The following TUSC3 variants were observed in gnomAD, a reference collection of about 807,000 sequenced individuals.
TUSC3 encodes the protein dolichyl-diphosphooligosaccharide--protein glycosyltransferase subunit TUSC3.
TUSC3 carries 45 observed loss-of-function variants against 44.8 expected under a neutral mutation model. That is an observed-to-expected ratio of 1.00 (90% confidence interval 0.79 to 1.29). The LOEUF (loss-of-function observed/expected upper bound fraction) is 1.29. TUSC3 is among the 50% of genes most tolerant of loss of function. The pLI, the probability that TUSC3 is intolerant of heterozygous loss-of-function variation, is 0.00. For missense variants in TUSC3, 519 were observed against 437.9 expected, an observed-to-expected ratio of 1.19 and a Z score of -1.65; for synonymous variants, 212 against 152.9, an observed-to-expected ratio of 1.39 and a Z score of -2.85.
In TUSC3 at chr8:15,439,066, C is replaced by T. The variant is rs189034613; in HGVS notation, n.91+21761C>T. Among the ~76,000 whole-genome samples the T allele has an allele frequency of 9.0e-4, 137 of 152,284 alleles. 1 individual carries two copies. The highest frequency in any genetic ancestry group is 4.1e-4 in the South Asian group (2 of 4,828). On this transcript the variant is annotated intron_variant and non_coding_transcript_variant, in intron 1 of 5. Transcript: ENST00000503191. ...AGAGAGAGAGGGCTATTTGACGGCACTGTGACCTTAGTCTGGGAATGCAAC... is the reference window on the plus strand; with the variant it reads ...AGAGAGAGAGGGCTATTTGACGGCATTGTGACCTTAGTCTGGGAATGCAAC...
chr8:15,703,980 T>C (rs1466026278), intron 6 of TUSC3, among the ~76,000 whole-genome samples: 1 of 152,104 alleles, frequency 6.6e-6, no homozygotes, highest in Non-Finnish European at 1.5e-5. Context: ...ACGAACAAAA[T>C]AGATAAAGCT....
the TUSC3 span, among the ~76,000 whole-genome samples, chr8:15,776,116 G>A: frequency 6.6e-6 from 1 of 152,030 alleles, no homozygotes; most frequent in Non-Finnish European, 1.5e-5. Context: ...GGAGAGGGTA[G>A]TAGCCTTGAA....
intron 1 of TUSC3, among the ~76,000 whole-genome samples, chr8:15,565,035 A>G (rs368486296): frequency 6.6e-5 from 10 of 152,272 alleles, no homozygotes; most frequent in Admixed American, 3.3e-4. Flanking sequence ...AAATTATCAC[A>G]AATTTAGAGG....
chr8:15,481,161 C>T (rs538635027), intron 1 of TUSC3, among the ~76,000 whole-genome samples: 25 of 149,288 alleles, frequency 1.7e-4, no homozygotes, highest in African/African-American at 6.2e-4. Context: ...GGCAGGAGAA[C>T]TGCTTGAACC....
At chr8:15,648,200 C>G (rs1380629511) in intron 2 of TUSC3, among the ~76,000 whole-genome samples, 1 of 152,154 alleles carries the variant, frequency 6.6e-6, no homozygotes, top group Non-Finnish European at 1.5e-5. Flanking sequence ...TTATTCGACT[C>G]TGTCTTCTAA....
chr8:15,662,298 T>C lies in TUSC3; in HGVS notation c.708+2T>C. The C allele has an allele frequency of 6.2e-7, 1 of 1,612,738 alleles. No homozygotes were observed. Among genetic ancestry groups the C allele is most frequent in the Non-Finnish European group, 8.5e-7 (1 of 1,178,962 alleles). On this transcript the variant is annotated splice_donor_variant, in intron 5 of 10. Coordinates refer to ENST00000503731, the MANE Select transcript of TUSC3 (RefSeq NM_006765.4). LOFTEE classifies it high-confidence loss of function. ...ACTGGTTGGGCCATGGTGTCTCTGG[T>C]ATGTTAATACATTGTGCTTTTTTTA...
chr8:15,659,645 C>G lies in TUSC3; in HGVS notation c.565C>G (p.His189Asp). ...AKWIADRTDV[H>D]IRVFRPPNYS... ...GTGGATTGCTGACAGAACGGATGTT[C>G]ATGTATGTTTTTATTCCTCACAGTT... Residue 189 changes from histidine to aspartate, a missense_variant and splice_region_variant, in exon 4 of 11, where the codon CAT becomes GAT. Physicochemically the swap from His to Asp is moderately conservative, Grantham distance 81. Transcript: ENST00000503731. 6.2e-7 allele frequency: 1 copy of G among 1,612,456 alleles called. No individual in the cohort carries two copies. The highest frequency in any genetic ancestry group is 1.7e-5 in the Admixed American group (1 of 59,988).
chr8:15,702,861 C>T (rs13278290), intron 6 of TUSC3, among the ~76,000 whole-genome samples: 84,817 of 151,972 alleles, frequency 0.56, 24,436 homozygotes, highest in Non-Finnish European at 0.64. Context: ...AACTCATGGT[C>T]CACTTGGTTT....
chr8:15,604,193 G>C (rs1304967683), intron 1 of TUSC3, among the ~76,000 whole-genome samples: 1 of 151,534 alleles, frequency 6.6e-6, no homozygotes, highest in African/African-American at 2.4e-5. Flanking sequence ...ACATTTTATT[G>C]TATGGTTTTT....
chr8:15,729,689 T>C (rs768168102), intron 6 of TUSC3, among the ~76,000 whole-genome samples: 7 of 152,020 alleles, frequency 4.6e-5, no homozygotes, highest in Non-Finnish European at 1.0e-4. Flanking sequence ...AGGGGAACAG[T>C]AGACCCTGGG....
Position 15,748,384 on chromosome 8 carries a change from T to A in TUSC3, c.947T>A (p.Leu316Gln). Residue 316 changes from leucine to glutamine, a missense_variant, in exon 9 of 11, where the codon CTA (leucine) becomes CAA (glutamine). By Grantham distance (113) the Leu-to-Gln change is moderately radical. Coordinates refer to ENST00000503731, the MANE Select transcript of TUSC3 (RefSeq NM_006765.4). ...TTCTGTCTGTTTCTAGTAATTTGCC[T>A]AGTGGGATTGGGCCTGGTGGTCTTC... The part of the protein sequence containing the change: ...GDVGKRRIIC[L>Q]VGLGLVVFFF... The A allele has an allele frequency of 1.2e-6, 2 of 1,613,244 alleles. 1 individual carries two copies. The highest frequency in any genetic ancestry group is 2.2e-5 in the South Asian group (2 of 91,068).
At chr8:15,609,089 T>C (rs1189014742) in intron 1 of TUSC3, among the ~76,000 whole-genome samples, 2 of 152,228 alleles carry the variant, frequency 1.3e-5, no homozygotes, top group African/African-American at 4.8e-5. Context: ...GTTTTGACGA[T>C]GTAAGCGTTA....
Position 15,497,912 on chromosome 8 carries a change from C to T in TUSC3, n.189+14429C>T, listed in dbSNP as rs181165922. On this transcript the variant is annotated intron_variant and non_coding_transcript_variant, in intron 2 of 5. Transcript: ENST00000503191. Reference sequence around the variant, plus strand: ...TAATCTCTCCTGCCACCATGCCCAGCTAATTTTTATATTTTTACTAGAGAT... The same window carrying T: ...TAATCTCTCCTGCCACCATGCCCAGTTAATTTTTATATTTTTACTAGAGAT... Among the ~76,000 whole-genome samples, 996 of 151,956 alleles carry T rather than the reference C, an allele frequency of 6.6e-3. 7 individuals carry two copies. Among genetic ancestry groups the T allele is most frequent in the Non-Finnish European group, 0.011 (718 of 67,958 alleles).
intron 2 of TUSC3, among the ~76,000 whole-genome samples, chr8:15,524,130 T>C (rs1801341665): frequency 6.6e-6 from 1 of 152,016 alleles, no homozygotes; most frequent in African/African-American, 2.4e-5. Flanking sequence ...TATACTAAAC[T>C]AGCCCACAAT....
intron 6 of TUSC3, among the ~76,000 whole-genome samples, chr8:15,693,385 A>C (rs1291813207): frequency 7.0e-6 from 1 of 141,892 alleles, no homozygotes; most frequent in Non-Finnish European, 1.5e-5. Flanking sequence ...AGGATGTCTT[A>C]CTTATTTGCT....
chr8:15,732,710 C>G (rs965073615), intron 7 of TUSC3, among the ~76,000 whole-genome samples: 1 of 152,084 alleles, frequency 6.6e-6, no homozygotes, highest in African/African-American at 2.4e-5. Context: ...CATTGTTTTT[C>G]AAGCTTTAAT....
At chr8:15,615,420 T>C (rs933922818) in intron 1 of TUSC3, among the ~76,000 whole-genome samples, 3 of 152,090 alleles carry the variant, frequency 2.0e-5, no homozygotes, top group Admixed American at 1.3e-4. Flanking sequence ...AAAAACCAGA[T>C]TGAGCTCATA....
chr8:15,813,099 A>C, the TUSC3 span, among the ~76,000 whole-genome samples: 1 of 152,140 alleles, frequency 6.6e-6, no homozygotes, highest in Non-Finnish European at 1.5e-5. Flanking sequence ...GTCTCAAAAA[A>C]AGACAAAAAA....
At chr8:15,678,947 T>C (rs1453282215) in intron 6 of TUSC3, among the ~76,000 whole-genome samples, 1 of 152,224 alleles carries the variant, frequency 6.6e-6, no homozygotes, top group African/African-American at 2.4e-5. Context: ...CATGATTTTA[T>C]TGTGCTGCAT....
Sources: allele counts gnomAD v4.1 joint callset (sites outside exome capture counted in the v4.1 genomes callset), GRCh38; gene constraint gnomAD v4.1.1; transcripts MANE v1.5; gene names NCBI Gene and HGNC (gene_info 2026-07-23, HGNC 2026-07-21).